The following WDR33 variants were observed in gnomAD, a reference collection of about 807,000 sequenced individuals.
WDR33 encodes the protein pre-mRNA 3' end processing protein WDR33.
WDR33 carries 47 observed loss-of-function variants against 164.9 expected under a neutral mutation model. The observed-to-expected ratio is 0.29, with a 90% CI of 0.23 to 0.36. The LOEUF is 0.36. Among genes scored for constraint, WDR33 ranks in the 10% least tolerant of loss-of-function variants. WDR33 has a pLI of 1.00. For synonymous variants in WDR33, 505 were observed against 589.0 expected, an observed-to-expected ratio of 0.86 and a Z score of 2.06; for missense variants, 1,137 against 1,754.1, an observed-to-expected ratio of 0.65 and a Z score of 6.28.
chr2:127,754,126 G>A (rs72846262), intron 7 of WDR33, among the ~76,000 whole-genome samples: 9 of 152,250 alleles, frequency 5.9e-5, no homozygotes, highest in Non-Finnish European at 1.0e-4. Flanking sequence ...TGAATTTTGA[G>A]ACTCCATTCA....
intron 7 of WDR33, among the ~76,000 whole-genome samples, chr2:127,733,338 C>T (rs956452620): frequency 6.6e-6 from 1 of 152,182 alleles, no homozygotes; most frequent in Non-Finnish European, 1.5e-5. Context: ...CATGCAGAAT[C>T]CTCAGTAGGA....
At chr2:127,794,478 G>A (rs1688955486) in intron 1 of WDR33, among the ~76,000 whole-genome samples, 3 of 151,644 alleles carry the variant, frequency 2.0e-5, no homozygotes, top group Admixed American at 1.3e-4. Flanking sequence ...CCCAGCCTGG[G>A]GGACAAGAGC....
intron 1 of WDR33, among the ~76,000 whole-genome samples, chr2:127,772,019 A>G (rs1394429706): frequency 2.6e-5 from 4 of 152,160 alleles, no homozygotes; most frequent in African/African-American, 4.8e-5. Context: ...CCTAGAGATA[A>G]TATCTAACTG....
At chr2:127,795,102 C>CTTTT (rs552910693) in intron 1 of WDR33, among the ~76,000 whole-genome samples, 12,618 of 130,938 alleles carry the variant, frequency 0.096, 877 homozygotes, top group South Asian at 0.19. Flanking sequence ...AATAACTTCT[C>CTTTT]TTTTTTTTTT....
rs1276587745 is a variant in WDR33, at chr2:127,702,216, A to T, written c.*4107T>A. ...CGCCGCTGGGGAAGTACGCGGAGCC[A>T]GCGCCGTCGGAGACCGCGCCGGCCG... On this transcript the variant is annotated 3_prime_UTR_variant, in exon 22 of 22. Transcript: ENST00000322313. 1 of 1,205,098 alleles carries T rather than the reference A, an allele frequency of 8.3e-7. No homozygotes were observed. Among genetic ancestry groups the T allele is most frequent in the Non-Finnish European group, 1.0e-6 (1 of 966,144 alleles). The allele number at this position is 1,205,098 out of a possible 1,614,324, so 74.7% of individuals were successfully genotyped here.
chr2:127,797,386 G>C (rs2104670412), intron 1 of WDR33, among the ~76,000 whole-genome samples: 1 of 152,210 alleles, frequency 6.6e-6, no homozygotes, highest in Middle Eastern at 3.4e-3. Flanking sequence ...CAGCTACTTA[G>C]GAGGCTGAGG....
intron 1 of WDR33, among the ~76,000 whole-genome samples, chr2:127,782,501 T>C (rs1368838646): frequency 1.3e-5 from 2 of 152,162 alleles, no homozygotes; most frequent in Non-Finnish European, 2.9e-5. Flanking sequence ...ACGGCCTTAG[T>C]TGCATAATTT....
In WDR33 at chr2:127,712,694, T is replaced by TATC. The variant is rs1361953493; in HGVS notation, c.3308+886_3308+888dup. Among the ~76,000 whole-genome samples the TATC allele has an allele frequency of 6.6e-6, 1 of 152,250 alleles. No homozygotes were observed. The highest frequency in any genetic ancestry group is 1.5e-5 in the Non-Finnish European group (1 of 68,034). Reference sequence around the variant, plus strand: ...CAACATCTGATACAAAATACTCAATTATCATCATCTTTAATTATTCTGAGT... The same window carrying TATC: ...CAACATCTGATACAAAATACTCAATTATCATCATCATCTTTAATTATTCTGAGT... On this transcript the variant is annotated intron_variant, in intron 18 of 21. Coordinates refer to ENST00000322313, the MANE Select transcript of WDR33 (RefSeq NM_018383.5). The surrounding 1 kb of genome is among the most constrained non-coding windows in gnomAD (Gnocchi z 4.0).
intron 7 of WDR33, among the ~76,000 whole-genome samples, chr2:127,755,606 G>A (rs1449763621): frequency 6.6e-6 from 1 of 152,252 alleles, no homozygotes; most frequent in Non-Finnish European, 1.5e-5. Context: ...GCATGCATGT[G>A]TGCGTACCTG....
Position 127,704,800 on chromosome 2 carries a change from A to C in WDR33, c.*1523T>G, listed in dbSNP as rs1223909511. ...CTAAGCAACCATTGAAACTTCCAGCACCAGCGGCCAGGTACTGTGGCTCAG... is the reference window on the plus strand; with the variant it reads ...CTAAGCAACCATTGAAACTTCCAGCCCCAGCGGCCAGGTACTGTGGCTCAG... On this transcript the variant is annotated 3_prime_UTR_variant, in exon 22 of 22. Transcript: ENST00000322313. 6.0e-6 allele frequency: 1 copy of C among 167,056 alleles called. No homozygotes were observed. The highest frequency in any genetic ancestry group is 1.5e-5 in the Non-Finnish European group (1 of 68,112). 10.3% of individuals were successfully genotyped at this position (167,056 alleles called of 1,614,324 possible).
chr2:127,769,125 A>T (rs929375047), intron 2 of WDR33, 124 bp from the exon 3 acceptor site: 13 of 490,970 alleles, frequency 2.6e-5, no homozygotes, highest in East Asian at 5.8e-5. Context: ...AAACAGAATT[A>T]AAAAATATTA....
At position 127,738,384 on chromosome 2, in the gene WDR33, C is replaced by T. The variant is rs1217260400; in HGVS notation, c.725-11607G>A. Among the ~76,000 whole-genome samples, 1 of 151,932 alleles carries T rather than the reference C, an allele frequency of 6.6e-6. No homozygotes were observed. The highest frequency in any genetic ancestry group is 2.4e-5 in the African/African-American group (1 of 41,348). On this transcript the variant is annotated intron_variant, in intron 7 of 21. Coordinates refer to ENST00000322313, the MANE Select transcript of WDR33 (RefSeq NM_018383.5). This position sits in a 1 kb window ranked among gnomAD's most constrained non-coding sequence, Gnocchi z 4.4. ...AATAAGTGGAGAAGAGTGAAGTCTC[C>T]CATGCCTAAGAATTCCACATAATTT...
rs1319084902 is a variant in WDR33 at position 127,704,136 on chromosome 2, A to G, written c.*2187T>C. 6.0e-6 allele frequency: 1 copy of G among 166,618 alleles called. No homozygotes were observed. Among genetic ancestry groups the G allele is most frequent in the Non-Finnish European group, 1.5e-5 (1 of 68,080 alleles). The allele number at this position is 166,618 out of a possible 1,614,324, so 10.3% of individuals were successfully genotyped here. On this transcript the variant is annotated 3_prime_UTR_variant, in exon 22 of 22. Coordinates refer to ENST00000322313, the MANE Select transcript of WDR33 (RefSeq NM_018383.5). ...GACCTTGTCTCAAAAATTTTTTCTC[A>G]AATCAAACATCATTGAAAATCTACT...
chr2:127,725,277 T>A (rs1686537028), intron 8 of WDR33, 62 bp from the exon 9 acceptor site: 2 of 1,505,842 alleles, frequency 1.3e-6, no homozygotes, highest in Non-Finnish European at 1.8e-6. Context: ...ACAATGGCCA[T>A]TTTTGTTGAA....
rs764497909 is a variant in WDR33, at chr2:127,712,200, G to A, written c.3308+1383C>T. ...TCACTTGAGGTCAGGAGTTCAAGAC[G>A]AGCCTGGCCAACATGGTGAAACCTC... On this transcript the variant is annotated intron_variant, in intron 18 of 21. Transcript: ENST00000322313. This position sits in a 1 kb window ranked among gnomAD's most constrained non-coding sequence, Gnocchi z 4.0. 6.6e-6 allele frequency among the ~76,000 whole-genome samples: 1 copy of A among 151,704 alleles called. No individual in the cohort carries two copies. Among genetic ancestry groups the A allele is most frequent in the African/African-American group, 2.4e-5 (1 of 41,334 alleles).
chr2:127,774,809 G>A (rs535123900), intron 1 of WDR33, among the ~76,000 whole-genome samples: 110 of 151,444 alleles, frequency 7.3e-4, no homozygotes, highest in African/African-American at 2.0e-3. Context: ...CAGCCTGGGC[G>A]ACAGAGTGAG....
rs1332587708 is a variant in WDR33, at chr2:127,712,513, A to C, written c.3308+1070T>G. On this transcript the variant is annotated intron_variant, in intron 18 of 21. Transcript: ENST00000322313. This position sits in a 1 kb window ranked among gnomAD's most constrained non-coding sequence, Gnocchi z 4.0. Reference sequence around the variant, plus strand: ...CATGGGCCTGAAGCCCAGCTCTGACACCTACCACCTGCCAGACCTCGGAAA... The same window carrying C: ...CATGGGCCTGAAGCCCAGCTCTGACCCCTACCACCTGCCAGACCTCGGAAA... Among the ~76,000 whole-genome samples, 1 of 152,196 alleles carries C rather than the reference A, an allele frequency of 6.6e-6. No individual in the cohort carries two copies. Among genetic ancestry groups the C allele is most frequent in the Non-Finnish European group, 1.5e-5 (1 of 68,030 alleles).
intron 7 of WDR33, chr2:127,762,746 T>C (rs1352925066): frequency 1.8e-6 from 2 of 1,097,580 alleles, no homozygotes; most frequent in African/African-American, 1.7e-5. Flanking sequence ...TGTCAATATG[T>C]TGGGAACAAG....
chr2:127,792,966 A>C (rs1688894024), intron 1 of WDR33, among the ~76,000 whole-genome samples: 1 of 152,202 alleles, frequency 6.6e-6, no homozygotes, highest in African/African-American at 2.4e-5. Flanking sequence ...GATACGTCAG[A>C]AACATTACCA....
Sources: allele counts gnomAD v4.1 joint callset (sites outside exome capture counted in the v4.1 genomes callset), GRCh38; gene constraint gnomAD v4.1.1; non-coding constraint Gnocchi (gnomAD v3.1); transcripts MANE v1.5; gene names NCBI Gene and HGNC (gene_info 2026-07-23, HGNC 2026-07-21).